RFX3: variants seen among roughly 807,000 people sequenced by gnomAD.
RFX3 encodes regulatory factor X3.
Under a neutral mutation model 98.6 loss-of-function variants are expected in RFX3, and 14 were observed. That is an observed-to-expected ratio of 0.14 (90% CI 0.09 to 0.22). The LOEUF (loss-of-function observed/expected upper bound fraction) is 0.22, where lower values mean the gene tolerates loss of function less well. Ranked by LOEUF, RFX3 falls within the 10% of genes least tolerant of loss-of-function variation. RFX3 has a pLI of 1.00. For missense variants in RFX3, 639 were observed against 926.9 expected (o/e 0.69, Z 4.03); for synonymous variants, 383 against 328.4 (o/e 1.17, Z -1.80).
At chr9:3,229,463 A>T (rs1355474542) in intron 15 of RFX3, among the ~76,000 whole-genome samples, 1 of 152,246 alleles carries the variant, frequency 6.6e-6, no homozygotes, top group Non-Finnish European at 1.5e-5. Flanking sequence ...AAAGAAAAGC[A>T]TCTGATCATT....
intron 1 of RFX3, among the ~76,000 whole-genome samples, chr9:3,435,215 C>T (rs1845014960): frequency 6.6e-6 from 1 of 151,834 alleles, no homozygotes; most frequent in Non-Finnish European, 1.5e-5. Flanking sequence ...AATAAATTTT[C>T]ATTCTTTAGT....
intron 1 of RFX3, among the ~76,000 whole-genome samples, chr9:3,398,563 G>C (rs955720253): frequency 6.6e-6 from 1 of 152,128 alleles, no homozygotes; most frequent in Non-Finnish European, 1.5e-5. Context: ...TGTCAGTTTA[G>C]TGTACAGATG....
intron 4 of RFX3, among the ~76,000 whole-genome samples, chr9:3,322,646 T>A (rs931693026): frequency 1.3e-5 from 2 of 152,062 alleles, no homozygotes; most frequent in African/African-American, 4.8e-5. Context: ...GATAGGAGAA[T>A]CGCTTGAACC....
rs1279892272 is a variant in RFX3, at chr9:3,427,358, TATAA to T, written c.-8-31766_-8-31763del. 2.1e-4 allele frequency among the ~76,000 whole-genome samples: 30 copies of T among 140,164 alleles called. No homozygotes were observed. The East Asian group carries it at 4.7e-3, about 22-fold the overall frequency. 92.0% of individuals were successfully genotyped at this position (140,164 alleles called of 152,430 possible). ...ATATATTGTATTACATAATACTATATATAAATATATATTGTTATTATATAATAAT... is the reference window on the plus strand; with the variant it reads ...ATATATTGTATTACATAATACTATATATATATATTGTTATTATATAATAAT... On this transcript the variant is annotated intron_variant, in intron 1 of 16. Coordinates refer to ENST00000617270, the MANE Select transcript of RFX3 (RefSeq NM_001282116.2).
chr9:3,349,693 T>C (rs1040312962), intron 2 of RFX3, among the ~76,000 whole-genome samples: 1 of 152,086 alleles, frequency 6.6e-6, no homozygotes, highest in African/African-American at 2.4e-5. Context: ...TGAATGTGTA[T>C]AGAAGTGCCC....
chr9:3,441,331 G>A (rs1337926589), intron 1 of RFX3, among the ~76,000 whole-genome samples: 1 of 151,894 alleles, frequency 6.6e-6, no homozygotes, highest in African/African-American at 2.4e-5. Flanking sequence ...GAGAGAGAGA[G>A]ATCCATGGGT....
In RFX3 at chr9:3,518,624, T is replaced by C. The variant is rs150684422; in HGVS notation, c.-9+7123A>G. ...ACTCTAAAATGAGAAAAGTATTTCA[T>C]TCTGATGAAAATGTTCAGGAAAAAT... On this transcript the variant is annotated intron_variant, in intron 1 of 16. Transcript: ENST00000617270. Among the ~76,000 whole-genome samples, 30 of 152,324 alleles carry C rather than the reference T, an allele frequency of 2.0e-4. 1 individual carries two copies. The highest frequency in any genetic ancestry group is 7.2e-4 in the African/African-American group (30 of 41,582).
At chr9:3,498,417 T>A (rs1043206960) in intron 1 of RFX3, among the ~76,000 whole-genome samples, 1 of 151,974 alleles carries the variant, frequency 6.6e-6, no homozygotes, top group African/African-American at 2.4e-5. Context: ...TTGAATCACA[T>A]AAAACTACAA....
intron 14 of RFX3, among the ~76,000 whole-genome samples, chr9:3,255,201 C>T (rs756877135): frequency 2.6e-5 from 4 of 152,130 alleles, no homozygotes; most frequent in Non-Finnish European, 5.9e-5. Context: ...AGAAAAAAGT[C>T]ACTTATAATA....
intron 1 of RFX3, among the ~76,000 whole-genome samples, chr9:3,476,015 G>A (rs896488029): frequency 1.3e-5 from 2 of 152,104 alleles, no homozygotes; most frequent in Non-Finnish European, 2.9e-5. Flanking sequence ...CATGACAGAC[G>A]GCTCACACTC....
intron 3 of RFX3, among the ~76,000 whole-genome samples, chr9:3,336,597 C>G (rs1455090049): frequency 6.6e-6 from 1 of 151,950 alleles, no homozygotes; most frequent in African/African-American, 2.4e-5. Flanking sequence ...ACATAGCACA[C>G]AACACAGGAA....
At chr9:3,263,907 C>A (rs191513249) in intron 12 of RFX3, among the ~76,000 whole-genome samples, 6 of 152,122 alleles carry the variant, frequency 3.9e-5, no homozygotes, top group African/African-American at 1.4e-4. Flanking sequence ...CTGCTTGCTG[C>A]CTGTTAGAGC....
At chr9:3,237,648 C>T (rs141150042) in intron 15 of RFX3, among the ~76,000 whole-genome samples, 63 of 152,306 alleles carry the variant, frequency 4.1e-4, no homozygotes, top group African/African-American at 1.4e-3. Flanking sequence ...ATCTACTCTA[C>T]TTACCTACCT....
chr9:3,349,586 C>T (rs1308286923), intron 2 of RFX3, among the ~76,000 whole-genome samples: 1 of 152,006 alleles, frequency 6.6e-6, no homozygotes, highest in Non-Finnish European at 1.5e-5. Context: ...ACTGCCCCCA[C>T]ACCCCCAACA....
intron 2 of RFX3, among the ~76,000 whole-genome samples, chr9:3,369,214 G>A (rs1243108720): frequency 1.3e-5 from 2 of 152,226 alleles, no homozygotes; most frequent in Admixed American, 6.5e-5. Context: ...ATTTCTCACA[G>A]TCTGGATGCT....
chr9:3,350,571 C>T (rs1027322210), intron 2 of RFX3, among the ~76,000 whole-genome samples: 4 of 151,820 alleles, frequency 2.6e-5, no homozygotes, highest in Non-Finnish European at 5.9e-5. Flanking sequence ...TGGTGTTTAC[C>T]CAAGGAGTTG....
chr9:3,378,930 G>GTGAC (rs1344831469), intron 2 of RFX3, among the ~76,000 whole-genome samples: 1 of 152,140 alleles, frequency 6.6e-6, no homozygotes, highest in African/African-American at 2.4e-5. Flanking sequence ...ACATCAGATA[G>GTGAC]TGACTGCTTA....
chr9:3,388,803 T>C (rs1839985021), intron 2 of RFX3, among the ~76,000 whole-genome samples: 1 of 152,114 alleles, frequency 6.6e-6, no homozygotes, highest in Non-Finnish European at 1.5e-5. Flanking sequence ...AAAATCTTGC[T>C]TTGAACTCAA....
intron 7 of RFX3, among the ~76,000 whole-genome samples, chr9:3,278,821 AAGTCAG>A (rs1362798203): frequency 4.6e-5 from 7 of 151,984 alleles, no homozygotes; most frequent in Admixed American, 3.9e-4. Flanking sequence ...ACAAAAAATA[AAGTCAG>A]AGGGGGAAGA....
Sources: allele counts gnomAD v4.1 joint callset (sites outside exome capture counted in the v4.1 genomes callset), GRCh38; gene constraint gnomAD v4.1.1; transcripts MANE v1.5; gene names NCBI Gene and HGNC (gene_info 2026-07-23, HGNC 2026-07-21).